Variants in TMPRSS12 observed in about 807,000 individuals in gnomAD.
TMPRSS12 encodes the protein transmembrane serine protease 12.
Under a neutral mutation model 26.0 loss-of-function variants are expected in TMPRSS12, and 25 were observed. That is an observed-to-expected ratio of 0.96 (90% CI 0.70 to 1.34). The LOEUF (loss-of-function observed/expected upper bound fraction) is 1.34, where lower values mean the gene tolerates loss of function less well. TMPRSS12 is among the 40% of genes most tolerant of loss of function. The probability of loss-of-function intolerance (pLI) is 0.00; values close to 1 mark genes in which losing one functional copy is unlikely to be tolerated. For missense variants in TMPRSS12, 441 were observed against 440.1 expected, an observed-to-expected ratio of 1.00 and a Z score of -0.02; for synonymous variants, 150 against 161.7, an observed-to-expected ratio of 0.93 and a Z score of 0.55.
chr12:50,847,221 G>A (rs960181150), intron 2 of TMPRSS12, among the ~76,000 whole-genome samples: 5 of 151,966 alleles, frequency 3.3e-5, no homozygotes, highest in African/African-American at 1.2e-4. Flanking sequence ...ACCATGCCTG[G>A]CTAATTTTTG....
chr12:50,853,050 A>G (rs956625444), intron 2 of TMPRSS12, among the ~76,000 whole-genome samples: 98 of 152,330 alleles, frequency 6.4e-4, no homozygotes, highest in African/African-American at 2.3e-3. Flanking sequence ...CACATAACAC[A>G]TACTCTAAAA....
chr12:50,876,803 CAAAA>C (rs35311314), intron 3 of TMPRSS12, among the ~76,000 whole-genome samples: 5 of 75,372 alleles, frequency 6.6e-5, no homozygotes, highest in Admixed American at 1.6e-4. Context: ...GACTCTGTCT[CAAAA>C]AAAAAAAAAA....
At chr12:50,883,504 C>A (rs1938195362) in intron 3 of TMPRSS12, among the ~76,000 whole-genome samples, 1 of 151,986 alleles carries the variant, frequency 6.6e-6, no homozygotes, top group African/African-American at 2.4e-5. Context: ...GGCAATATAG[C>A]AAGACCTCAA....
At chr12:50,872,828 CATATATATGACGTCTATA>C (rs1938073814) in intron 3 of TMPRSS12, among the ~76,000 whole-genome samples, 1 of 100,352 alleles carries the variant, frequency 1.0e-5, no homozygotes, top group Non-Finnish European at 2.1e-5. Flanking sequence ...TATATATGTA[CATATATATGACGTCTATA>C]TATGTACATA....
chr12:50,848,078 T>C (rs904337604), intron 2 of TMPRSS12: 1 of 151,956 alleles, frequency 6.6e-6, no homozygotes, highest in Non-Finnish European at 1.5e-5. Flanking sequence ...TTTCATCAAG[T>C]TTATGGTGAT....
chr12:50,843,852 A>C lies in TMPRSS12; in HGVS notation c.198A>C (p.Thr66=). The change falls in exon 2 of 5, where the codon ACA becomes ACC. Residue 66 remains threonine, a synonymous_variant. Coordinates refer to ENST00000398458, the MANE Select transcript of TMPRSS12 (RefSeq NM_182559.3). Reference sequence around the variant, plus strand: ...CATTTTTATTTTTAGATTGTGGAACAGCACCGCTTAAGGATGTGTTGCAAG... The same window carrying C: ...CATTTTTATTTTTAGATTGTGGAACCGCACCGCTTAAGGATGTGTTGCAAG... ...EGGAHAEDCG[T]APLKDVLQGS... is the part of the protein sequence containing the mutation. 6.4e-7 allele frequency: 1 copy of C among 1,553,626 alleles called. No homozygotes were observed. The highest frequency in any genetic ancestry group is 2.0e-4 in the Middle Eastern group (1 of 5,066).
At chr12:50,850,945 A>C (rs1158790267) in intron 2 of TMPRSS12, among the ~76,000 whole-genome samples, 1 of 152,032 alleles carries the variant, frequency 6.6e-6, no homozygotes, top group African/African-American at 2.4e-5. Context: ...TGCTGAGCTG[A>C]GTCTTGTCCC....
chr12:50,856,972 G>C (rs138163382), intron 2 of TMPRSS12, among the ~76,000 whole-genome samples: 1 of 152,278 alleles, frequency 6.6e-6, no homozygotes, highest in African/African-American at 2.4e-5. Flanking sequence ...TTACAGGCAT[G>C]AGCCACCATG....
chr12:50,850,091 T>C (rs1937811146), intron 2 of TMPRSS12, among the ~76,000 whole-genome samples: 1 of 152,208 alleles, frequency 6.6e-6, no homozygotes, highest in South Asian at 2.1e-4. Flanking sequence ...TTGTTTTTAT[T>C]GCTGAACAGT....
intron 3 of TMPRSS12, among the ~76,000 whole-genome samples, chr12:50,872,585 A>G (rs566902478): frequency 4.9e-5 from 7 of 143,204 alleles, no homozygotes; most frequent in Non-Finnish European, 9.1e-5. Context: ...ATATATGTAC[A>G]TATATATGAC....
At chr12:50,854,037 G>A (rs1937852925) in intron 2 of TMPRSS12, among the ~76,000 whole-genome samples, 1 of 152,002 alleles carries the variant, frequency 6.6e-6, no homozygotes, top group Non-Finnish European at 1.5e-5. Context: ...GAAAATTTCA[G>A]GCCAATATTC....
intron 3 of TMPRSS12, among the ~76,000 whole-genome samples, chr12:50,874,182 C>G (rs573440521): frequency 7.9e-5 from 12 of 152,030 alleles, no homozygotes; most frequent in Non-Finnish European, 1.0e-4. Context: ...ATATTACACA[C>G]TCAGAAAATA....
At chr12:50,857,648 T>G (rs901741776) in intron 2 of TMPRSS12, among the ~76,000 whole-genome samples, 1 of 152,142 alleles carries the variant, frequency 6.6e-6, no homozygotes, top group African/African-American at 2.4e-5. Context: ...GGGTTTAGTT[T>G]TTTGCTTGCT....
chr12:50,863,721 C>G (rs1937960531), intron 3 of TMPRSS12, among the ~76,000 whole-genome samples: 1 of 152,084 alleles, frequency 6.6e-6, no homozygotes, highest in Admixed American at 6.5e-5. Flanking sequence ...CAAAATTATG[C>G]AGACAGAGAA....
chr12:50,858,592 G>T (rs1384138596), intron 2 of TMPRSS12, among the ~76,000 whole-genome samples, 193 bp from the exon 3 acceptor site: 1 of 151,872 alleles, frequency 6.6e-6, no homozygotes, highest in Non-Finnish European at 1.5e-5. Context: ...ATCAGTTTCT[G>T]GATTTTCTGT....
chr12:50,862,297 C>T (rs1205269507), intron 3 of TMPRSS12, among the ~76,000 whole-genome samples: 1 of 151,956 alleles, frequency 6.6e-6, no homozygotes, highest in East Asian at 1.9e-4. Flanking sequence ...CTCGGTGTGA[C>T]GATAGAAACT....
At chr12:50,883,367 G>A (rs1489468689) in intron 3 of TMPRSS12, among the ~76,000 whole-genome samples, 1 of 152,140 alleles carries the variant, frequency 6.6e-6, no homozygotes, top group Non-Finnish European at 1.5e-5. Flanking sequence ...AACCAAATTA[G>A]GTTTATCTCA....
intron 3 of TMPRSS12, among the ~76,000 whole-genome samples, chr12:50,870,912 G>A (rs909783217): frequency 6.6e-6 from 1 of 150,782 alleles, no homozygotes; most frequent in Non-Finnish European, 1.5e-5. Flanking sequence ...CCTCTACAGG[G>A]AAAACTACAA....
intron 2 of TMPRSS12, chr12:50,848,425 C>G (rs1937794361): frequency 6.6e-6 from 1 of 152,178 alleles, no homozygotes. Context: ...CAGCCAGATT[C>G]ATCACATGAG....
Sources: gnomAD v4.1 joint callset for allele counts (sites outside exome capture counted in the v4.1 genomes callset) on GRCh38, gnomAD v4.1.1 for gene constraint, MANE v1.5 for transcripts, NCBI Gene and HGNC (gene_info 2026-07-23, HGNC 2026-07-21) for gene names.